The following CHMP4C variants were observed in gnomAD, a reference collection of about 807,000 sequenced individuals.
CHMP4C encodes charged multivesicular body protein 4C.
In CHMP4C, 28 loss-of-function variants were observed where a neutral mutation model predicts 29.0. The observed-to-expected ratio is 0.97, with a 90% confidence interval of 0.72 to 1.32. The LOEUF (loss-of-function observed/expected upper bound fraction) is 1.32, where lower values mean the gene tolerates loss of function less well. CHMP4C is among the 40% of genes most tolerant of loss of function. The pLI, the probability that CHMP4C is intolerant of heterozygous loss-of-function variation, is 0.00. For missense variants in CHMP4C, 291 were observed against 281.0 expected, an observed-to-expected ratio of 1.04 and a Z score of -0.25; for synonymous variants, 106 against 102.4, an observed-to-expected ratio of 1.04 and a Z score of -0.21.
At chr8:81,741,992 T>C (rs921841003) in intron 1 of CHMP4C, among the ~76,000 whole-genome samples, 1 of 152,224 alleles carries the variant, frequency 6.6e-6, no homozygotes, top group Non-Finnish European at 1.5e-5. Context: ...CTAGACATTT[T>C]GATTCTTTAC....
At chr8:81,736,700 C>T (rs749844931) in intron 1 of CHMP4C, among the ~76,000 whole-genome samples, 1 of 152,188 alleles carries the variant, frequency 6.6e-6, no homozygotes, top group Non-Finnish European at 1.5e-5. Context: ...ACATTGCTGT[C>T]TTCCTCAGTG....
rs1382266843 is a variant in CHMP4C, at chr8:81,759,439, C to T, written c.*895C>T. On this transcript the variant is annotated 3_prime_UTR_variant, in exon 5 of 5. Transcript: ENST00000297265. ...CTGTTCTGTTTTGTGCTCTCTTGTA[C>T]ATTTATTTACCCTTTACAGAATATT... 1 of 152,090 alleles carries T rather than the reference C, an allele frequency of 6.6e-6. No homozygotes were observed. Among genetic ancestry groups the T allele is most frequent in the Non-Finnish European group, 1.5e-5 (1 of 68,028 alleles). The allele number at this position is 152,090 out of a possible 1,614,324, so 9.4% of individuals were successfully genotyped here.
chr8:81,737,407 G>A (rs1043499944), intron 1 of CHMP4C, among the ~76,000 whole-genome samples: 2 of 152,138 alleles, frequency 1.3e-5, no homozygotes, highest in African/African-American at 4.8e-5. Flanking sequence ...CAGTGCTTCC[G>A]GCCTTGGGAG....
chr8:81,750,411 G>A (rs1438637796), intron 1 of CHMP4C, among the ~76,000 whole-genome samples: 1 of 151,316 alleles, frequency 6.6e-6, no homozygotes, highest in African/African-American at 2.4e-5. Context: ...GACCAGCTTG[G>A]GTAGTATAGC....
intron 3 of CHMP4C, among the ~76,000 whole-genome samples, chr8:81,757,300 A>C (rs922918863): frequency 6.6e-6 from 1 of 152,178 alleles, no homozygotes; most frequent in African/African-American, 2.4e-5. Context: ...CATCCATGAA[A>C]GAAAAATCTA....
chr8:81,754,696 G>A (rs768824697), intron 2 of CHMP4C, among the ~76,000 whole-genome samples: 1 of 152,144 alleles, frequency 6.6e-6, no homozygotes, highest in Non-Finnish European at 1.5e-5. Context: ...GCTTAGGCGG[G>A]TGTTTAGGAG....
At chr8:81,750,895 C>A (rs1320495717) in intron 1 of CHMP4C, among the ~76,000 whole-genome samples, 1 of 151,834 alleles carries the variant, frequency 6.6e-6, no homozygotes, top group East Asian at 1.9e-4. Flanking sequence ...AAGATACATA[C>A]CTAGATGCAT....
At chr8:81,742,843 G>A (rs1037367524) in intron 1 of CHMP4C, among the ~76,000 whole-genome samples, 4 of 152,216 alleles carry the variant, frequency 2.6e-5, no homozygotes, top group African/African-American at 9.6e-5. Flanking sequence ...CAAAGACCCC[G>A]TATGTAAGAG....
At chr8:81,748,033 G>T (rs1015611772) in intron 1 of CHMP4C, among the ~76,000 whole-genome samples, 2 of 150,470 alleles carry the variant, frequency 1.3e-5, no homozygotes, top group African/African-American at 2.5e-5. Context: ...GGTACGCCCC[G>T]GGGCGGCCAG....
At chr8:81,751,508 A>T (rs908933632) in intron 1 of CHMP4C, among the ~76,000 whole-genome samples, 1 of 152,124 alleles carries the variant, frequency 6.6e-6, no homozygotes, top group Non-Finnish European at 1.5e-5. Flanking sequence ...TTTCCTTTCA[A>T]CATAGAAGAA....
At chr8:81,738,204 G>T (rs1808718520) in intron 1 of CHMP4C, among the ~76,000 whole-genome samples, 1 of 152,214 alleles carries the variant, frequency 6.6e-6, no homozygotes, top group South Asian at 2.1e-4. Flanking sequence ...ATGTGAAAAT[G>T]AGTGGATCTA....
chr8:81,743,461 T>C (rs1368363335), intron 1 of CHMP4C, among the ~76,000 whole-genome samples: 2 of 152,054 alleles, frequency 1.3e-5, no homozygotes, highest in Non-Finnish European at 2.9e-5. Flanking sequence ...AAAAGACTCA[T>C]TTATTCAATT....
intron 4 of CHMP4C, 63 bp downstream of exon 4, chr8:81,758,358 T>C: frequency 6.3e-7 from 1 of 1,590,920 alleles, no homozygotes; most frequent in Non-Finnish European, 8.6e-7. Context: ...CCAGGCCCAT[T>C]CTTTTTAGCA....
intron 1 of CHMP4C, among the ~76,000 whole-genome samples, chr8:81,736,021 G>A (rs1366741707): frequency 6.6e-6 from 1 of 151,888 alleles, no homozygotes; most frequent in Non-Finnish European, 1.5e-5. Flanking sequence ...GGGAGGTGGA[G>A]GTTGCAGTGA....
At chr8:81,743,535 TTTAA>T (rs1345440209) in intron 1 of CHMP4C, among the ~76,000 whole-genome samples, 1 of 152,132 alleles carries the variant, frequency 6.6e-6, no homozygotes, top group Non-Finnish European at 1.5e-5. Context: ...TAAAATAGAT[TTTAA>T]TTAGTGTATT....
rs113653252 is a variant in CHMP4C, at chr8:81,739,418, T to TTGGG, written c.190+6602_190+6603insTGGG. ...CGGTATTCTAAGGCCTGGGGGATTG[T>TTGGG]GGGGGGGGGTGGAAAAAAAAAAAGT... On this transcript the variant is annotated intron_variant, in intron 1 of 4. Transcript: ENST00000297265. Among the ~76,000 whole-genome samples, 163 of 93,578 alleles carry TTGGG rather than the reference T, an allele frequency of 1.7e-3. 2 individuals are homozygous for TTGGG. Among genetic ancestry groups the TTGGG allele is most frequent in the African/African-American group, 5.7e-3 (140 of 24,502 alleles). 61.4% of individuals were successfully genotyped at this position (93,578 alleles called of 152,430 possible). A position where few individuals can be genotyped will look rare whatever the true frequency, so the allele number is the denominator to read the frequency against.
intron 3 of CHMP4C, 85 bp downstream of exon 3, chr8:81,755,569 C>T: frequency 1.5e-6 from 1 of 668,568 alleles, no homozygotes; most frequent in South Asian, 2.3e-5. Context: ...TGTTCCCTTA[C>T]TACTGAAAGA....
At chr8:81,737,241 C>T (rs1808703379) in intron 1 of CHMP4C, among the ~76,000 whole-genome samples, 1 of 152,168 alleles carries the variant, frequency 6.6e-6, no homozygotes, top group South Asian at 2.1e-4. Flanking sequence ...GGCCCACCCC[C>T]ATTTATTCTG....
Position 81,755,484 on chromosome 8 carries a change from G to A in CHMP4C, c.483G>A (p.Glu161=), listed in dbSNP as rs375563916. 12 of 1,581,412 alleles carry A rather than the reference G, an allele frequency of 7.6e-6. No homozygotes were observed. Among genetic ancestry groups the A allele is most frequent in the Admixed American group, 1.7e-5 (1 of 59,746 alleles). ...QRVGFGDDFD[E]DELMAELEEL... ...TTGGCTTTGGTGATGACTTTGATGA[G>A]GTACGTAACCCAATATGAAGAATGC... is the stretch of plus-strand genomic sequence containing the variant. Residue 161 remains glutamate, a splice_region_variant and synonymous_variant, in exon 3 of 5, where the codon GAG becomes GAA. Coordinates refer to ENST00000297265, the MANE Select transcript of CHMP4C (RefSeq NM_152284.4).
Sources: gnomAD v4.1 joint callset for allele counts (sites outside exome capture counted in the v4.1 genomes callset) on GRCh38, gnomAD v4.1.1 for gene constraint, MANE v1.5 for transcripts, NCBI Gene and HGNC (gene_info 2026-07-23, HGNC 2026-07-21) for gene names.